ATP8A1: variants seen among roughly 807,000 people sequenced by gnomAD.
ATP8A1 encodes ATPase phospholipid transporting 8A1.
In ATP8A1, 90 loss-of-function variants were observed where a neutral mutation model predicts 177.7. The observed-to-expected ratio is 0.51, with a 90% CI of 0.43 to 0.60. ATP8A1 has a LOEUF of 0.60. Among genes scored for constraint, ATP8A1 ranks in the 20% least tolerant of loss-of-function variants. The probability of loss-of-function intolerance (pLI) is 0.00; values close to 1 mark genes in which losing one functional copy is unlikely to be tolerated. For synonymous variants in ATP8A1, 493 were observed against 485.9 expected, an observed-to-expected ratio of 1.01 and a Z score of -0.19; for missense variants, 1,072 against 1,392.8, an observed-to-expected ratio of 0.77 and a Z score of 3.67.
rs988066908 is a variant in ATP8A1, at chr4:42,505,736, T to A, written c.2086+1280A>T. 2.4e-4 allele frequency among the ~76,000 whole-genome samples: 37 copies of A among 152,176 alleles called. 1 individual carries two copies. The highest frequency in any genetic ancestry group is 8.7e-4 in the African/African-American group (36 of 41,452). On this transcript the variant is annotated intron_variant, in intron 23 of 36. Coordinates refer to ENST00000381668, the MANE Select transcript of ATP8A1 (RefSeq NM_006095.2). ...TCTAAAATAAATGTTAGCTAAATTTTAAAAAATACACAATATTTTAAAATG... is the reference window on the plus strand; with the variant it reads ...TCTAAAATAAATGTTAGCTAAATTTAAAAAAATACACAATATTTTAAAATG...
intron 24 of ATP8A1, among the ~76,000 whole-genome samples, chr4:42,495,305 A>T (rs141721265): frequency 1.0e-3 from 159 of 152,360 alleles, no homozygotes; most frequent in Admixed American, 2.7e-3. Context: ...AGAGTGAGTT[A>T]TGGCTCCCAT....
chr4:42,575,815 T>C (rs1732386883), intron 12 of ATP8A1, 116 bp from the exon 13 acceptor site: 1 of 835,264 alleles, frequency 1.2e-6, no homozygotes. Flanking sequence ...TGATGAACTA[T>C]ATGTAGGCAC....
intron 1 of ATP8A1, among the ~76,000 whole-genome samples, chr4:42,632,164 G>A (rs578052646): frequency 5.9e-5 from 9 of 152,282 alleles, no homozygotes; most frequent in African/African-American, 1.9e-4. Flanking sequence ...AAGCACATTT[G>A]TATAGCAGCT....
intron 25 of ATP8A1, among the ~76,000 whole-genome samples, chr4:42,475,932 G>A (rs1721015133): frequency 6.6e-6 from 1 of 152,026 alleles, no homozygotes; most frequent in East Asian, 1.9e-4. Flanking sequence ...CCAGCTACTC[G>A]GGAGGGTGAG....
chr4:42,606,903 T>C (rs1735848647), intron 5 of ATP8A1, among the ~76,000 whole-genome samples: 1 of 152,230 alleles, frequency 6.6e-6, no homozygotes. Flanking sequence ...TTACCAGCAA[T>C]GTATAAATTT....
intron 24 of ATP8A1, among the ~76,000 whole-genome samples, chr4:42,491,313 C>A (rs957634487): frequency 6.6e-6 from 1 of 152,116 alleles, no homozygotes; most frequent in African/African-American, 2.4e-5. Flanking sequence ...AAGAAACATG[C>A]TTGGCAGATA....
chr4:42,613,751 T>G (rs900879489), intron 5 of ATP8A1, among the ~76,000 whole-genome samples: 7 of 152,074 alleles, frequency 4.6e-5, no homozygotes, highest in Admixed American at 2.6e-4. Flanking sequence ...GCCCAACTAA[T>G]TTTTGTATTT....
intron 5 of ATP8A1, among the ~76,000 whole-genome samples, chr4:42,603,757 A>G (rs1462148054): frequency 1.3e-5 from 2 of 152,066 alleles, no homozygotes; most frequent in Non-Finnish European, 2.9e-5. Context: ...CCCCCTCCCA[A>G]CTGGATGTCT....
chr4:42,609,213 G>T (rs9993761), intron 5 of ATP8A1, among the ~76,000 whole-genome samples: 34,116 of 151,952 alleles, frequency 0.22, 4,294 homozygotes, highest in Non-Finnish European at 0.29. Context: ...TCACTGAGAG[G>T]TTAAAACTGA....
intron 10 of ATP8A1, among the ~76,000 whole-genome samples, chr4:42,580,563 T>G (rs557876368): frequency 6.6e-6 from 1 of 152,324 alleles, no homozygotes; most frequent in South Asian, 2.1e-4. Flanking sequence ...AGACCTGTGC[T>G]AACCAAAAAA....
chr4:42,555,077 T>TTGTG (rs1168901319), intron 16 of ATP8A1, among the ~76,000 whole-genome samples: 2 of 145,892 alleles, frequency 1.4e-5, no homozygotes, highest in African/African-American at 5.1e-5. Flanking sequence ...AAACTCCCCT[T>TTGTG]TGTGTGTGTA....
chr4:42,432,779 G>A (rs1715455552), intron 33 of ATP8A1, among the ~76,000 whole-genome samples: 1 of 152,180 alleles, frequency 6.6e-6, no homozygotes. Context: ...ACTTCCCTCT[G>A]AGAAAGCCTA....
intron 22 of ATP8A1, among the ~76,000 whole-genome samples, chr4:42,508,345 G>A (rs954755899): frequency 8.5e-5 from 13 of 152,168 alleles, no homozygotes; most frequent in Non-Finnish European, 1.5e-4. Context: ...GGCTGGTCTC[G>A]AACTGCTGGC....
At chr4:42,438,293 T>C (rs2153173016) in intron 33 of ATP8A1, among the ~76,000 whole-genome samples, 1 of 152,338 alleles carries the variant, frequency 6.6e-6, no homozygotes, top group South Asian at 2.1e-4. Flanking sequence ...AGTGTGGCTG[T>C]GAACATTAAA....
chr4:42,521,894 G>C (rs1319993179), intron 22 of ATP8A1, among the ~76,000 whole-genome samples: 1 of 152,112 alleles, frequency 6.6e-6, no homozygotes, highest in African/African-American at 2.4e-5. Flanking sequence ...GAAATACATT[G>C]GCAAGGAGAT....
At chr4:42,446,488 G>A (rs1047766375) in intron 31 of ATP8A1, 95 bp downstream of exon 31, 23 of 1,288,160 alleles carry the variant, frequency 1.8e-5, no homozygotes, top group Non-Finnish European at 2.4e-5. Flanking sequence ...CTTAAATCCA[G>A]AAACACTCAT....
chr4:42,466,614 T>C (rs900467488), intron 25 of ATP8A1, among the ~76,000 whole-genome samples: 2 of 152,232 alleles, frequency 1.3e-5, no homozygotes, highest in African/African-American at 4.8e-5. Flanking sequence ...CAATACATGG[T>C]TGCTATACGA....
In ATP8A1 at chr4:42,555,782, C is replaced by G. The variant is rs186779042; in HGVS notation, c.1413+186G>C. Among the ~76,000 whole-genome samples the G allele has an allele frequency of 4.8e-4, 73 of 152,140 alleles. 1 individual carries two copies. The East Asian group carries it at 8.9e-3, about 19-fold the overall frequency. On this transcript the variant is annotated intron_variant, in intron 16 of 36. Transcript: ENST00000381668. ...GAGGTTGCAGTGAGCCAAAATCACGCCATTGCACTCCAGCCCCAGCGACAG... is the reference window on the plus strand; with the variant it reads ...GAGGTTGCAGTGAGCCAAAATCACGGCATTGCACTCCAGCCCCAGCGACAG...
intron 25 of ATP8A1, among the ~76,000 whole-genome samples, chr4:42,480,584 T>C (rs116600126): frequency 1.3e-3 from 201 of 152,354 alleles, no homozygotes; most frequent in African/African-American, 4.6e-3. Context: ...AAGTAGAACA[T>C]ATATTTAGAG....
Sources: allele counts gnomAD v4.1 joint callset (sites outside exome capture counted in the v4.1 genomes callset), GRCh38; gene constraint gnomAD v4.1.1; transcripts MANE v1.5; gene names NCBI Gene and HGNC (gene_info 2026-07-23, HGNC 2026-07-21).